Variants in RAB2A observed in about 807,000 individuals in gnomAD.
RAB2A encodes ras-related protein Rab-2A.
Under a neutral mutation model 32.5 loss-of-function variants are expected in RAB2A, and 7 were observed. The observed-to-expected ratio is 0.22, with a 90% CI of 0.12 to 0.40. The LOEUF is 0.40. Among genes scored for constraint, RAB2A ranks in the 10% least tolerant of loss-of-function variants. RAB2A has a pLI of 1.00. For synonymous variants in RAB2A, 79 were observed against 85.2 expected (o/e 0.93, Z 0.40); for missense variants, 108 against 260.7 (o/e 0.41, Z 4.03).
chr8:60,557,211 T>C (rs1315082834), intron 1 of RAB2A, among the ~76,000 whole-genome samples: 1 of 152,176 alleles, frequency 6.6e-6, no homozygotes, highest in African/African-American at 2.4e-5. Flanking sequence ...CTGTCATTTC[T>C]TCAGAAAGAT....
At chr8:60,569,840 A>C in intron 2 of RAB2A, 1 of 382,902 alleles carries the variant, frequency 2.6e-6, no homozygotes, top group Non-Finnish European at 5.2e-6. Context: ...GAATAAAGAG[A>C]CGAACATACT....
At chr8:60,521,024 C>T (rs541885873) in intron 1 of RAB2A, among the ~76,000 whole-genome samples, 1 of 152,320 alleles carries the variant, frequency 6.6e-6, no homozygotes, top group South Asian at 2.1e-4. Flanking sequence ...CTGTGTTGCT[C>T]AGGCTGGTCT....
intron 3 of RAB2A, among the ~76,000 whole-genome samples, chr8:60,573,686 G>C (rs900719068): frequency 6.6e-6 from 1 of 152,092 alleles, no homozygotes; most frequent in African/African-American, 2.4e-5. Context: ...ATGGAAAAGA[G>C]GAAAATAAAA....
chr8:60,551,316 T>TA (rs1807843873), intron 1 of RAB2A, among the ~76,000 whole-genome samples: 1 of 152,248 alleles, frequency 6.6e-6, no homozygotes, highest in African/African-American at 2.4e-5. Context: ...GCACTGGAGA[T>TA]ACATGTGGCT....
chr8:60,541,505 A>G (rs956607531), intron 1 of RAB2A, among the ~76,000 whole-genome samples: 1 of 152,184 alleles, frequency 6.6e-6, no homozygotes, highest in Non-Finnish European at 1.5e-5. Flanking sequence ...CCTGGCCAAC[A>G]TGATGAAACC....
intron 3 of RAB2A, among the ~76,000 whole-genome samples, chr8:60,574,685 A>G (rs1312854970): frequency 1.3e-5 from 2 of 152,216 alleles, no homozygotes; most frequent in African/African-American, 2.4e-5. Flanking sequence ...CTCGTCATAC[A>G]TCATTTTGAT....
At chr8:60,559,809 C>G in intron 2 of RAB2A, among the ~76,000 whole-genome samples, 1 of 152,194 alleles carries the variant, frequency 6.6e-6, no homozygotes, top group East Asian at 1.9e-4. Context: ...TGCTCATTTT[C>G]TGCTGACATT....
At position 60,565,676 on chromosome 8, in the gene RAB2A, A is replaced by ATTTTTTTTTTT. The variant is rs71252885; in HGVS notation, c.119-6328_119-6318dup. ...AGCTCTGAAAAAGTCTCTGTAGCTG[A>ATTTTTTTTTTT]TTTTTTTTTTTTTTTTTTTTTTTTT... On this transcript the variant is annotated intron_variant, in intron 2 of 7. Coordinates refer to ENST00000262646, the MANE Select transcript of RAB2A (RefSeq NM_002865.3). Among the ~76,000 whole-genome samples, 3 of 97,672 alleles carry ATTTTTTTTTTT rather than the reference A, an allele frequency of 3.1e-5. 1 individual carries two copies. Among genetic ancestry groups the ATTTTTTTTTTT allele is most frequent in the Non-Finnish European group, 6.3e-5 (3 of 47,758 alleles). The allele number at this position is 97,672 out of a possible 152,430, so 64.1% of individuals were successfully genotyped here. A position where few individuals can be genotyped will look rare whatever the true frequency, so the allele number is the denominator to read the frequency against.
At chr8:60,613,858 A>G (rs2150438039) in intron 6 of RAB2A, among the ~76,000 whole-genome samples, 1 of 152,288 alleles carries the variant, frequency 6.6e-6, no homozygotes, top group South Asian at 2.1e-4. Context: ...TGTTCATAGC[A>G]TTGACTTTTA....
chr8:60,560,720 A>G (rs980479797), intron 2 of RAB2A, among the ~76,000 whole-genome samples: 2 of 149,830 alleles, frequency 1.3e-5, no homozygotes, highest in South Asian at 2.1e-4. Flanking sequence ...TTGAAACACT[A>G]TGAGATTTTT....
intron 1 of RAB2A, among the ~76,000 whole-genome samples, chr8:60,555,605 A>G (rs1432558452): frequency 2.0e-5 from 3 of 152,254 alleles, no homozygotes; most frequent in African/African-American, 7.2e-5. Flanking sequence ...ATATGAAAAA[A>G]TGCTCAGCAT....
rs558500074 is a variant in RAB2A at position 60,623,046 on chromosome 8, A to G, written c.*2277A>G. Reference sequence around the variant, plus strand: ...CAGTTTTTATAGCATCTATGGACATAGAAAATCAGTCACTGAAAAAAATAA... The same window carrying G: ...CAGTTTTTATAGCATCTATGGACATGGAAAATCAGTCACTGAAAAAAATAA... On this transcript the variant is annotated 3_prime_UTR_variant, in exon 8 of 8. Coordinates refer to ENST00000262646, the MANE Select transcript of RAB2A (RefSeq NM_002865.3). The G allele has an allele frequency of 6.6e-6, 1 of 152,338 alleles. No homozygotes were observed. Among genetic ancestry groups the G allele is most frequent in the African/African-American group, 2.4e-5 (1 of 41,578 alleles). 9.4% of individuals were successfully genotyped at this position (152,338 alleles called of 1,614,324 possible).
chr8:60,568,750 G>A (rs1181151962), intron 2 of RAB2A, among the ~76,000 whole-genome samples: 2 of 152,102 alleles, frequency 1.3e-5, no homozygotes, highest in African/African-American at 4.8e-5. Context: ...ATCACTCCCC[G>A]ACAATGTCAG....
intron 1 of RAB2A, among the ~76,000 whole-genome samples, chr8:60,519,677 T>A (rs2130802791): frequency 1.3e-5 from 2 of 152,370 alleles, no homozygotes; most frequent in South Asian, 2.1e-4. Context: ...ACCTATTATA[T>A]ACTTCTTGAA....
At chr8:60,584,326 TAC>T (rs1563477933) in intron 4 of RAB2A, 36 bp downstream of exon 4, 3 of 1,498,696 alleles carry the variant, frequency 2.0e-6, no homozygotes, top group South Asian at 1.1e-5. Flanking sequence ...CAGTAGTTGA[TAC>T]AGAGAATTTT....
intron 1 of RAB2A, among the ~76,000 whole-genome samples, chr8:60,523,784 G>A (rs999798424): frequency 3.3e-5 from 5 of 149,782 alleles, no homozygotes; most frequent in Non-Finnish European, 4.4e-5. Context: ...TCCGTCTCCC[G>A]GGTTCACACC....
chr8:60,596,056 A>G (rs1294339852), intron 6 of RAB2A, among the ~76,000 whole-genome samples: 1 of 152,212 alleles, frequency 6.6e-6, no homozygotes, highest in Admixed American at 6.5e-5. Context: ...GAAAATAGCT[A>G]AAACAGTGTT....
At chr8:60,532,366 A>G (rs1807489699) in intron 1 of RAB2A, among the ~76,000 whole-genome samples, 4 of 152,234 alleles carry the variant, frequency 2.6e-5, no homozygotes, top group Non-Finnish European at 5.9e-5. Flanking sequence ...AAAAATTAAT[A>G]AATAGCTAAA....
chr8:60,558,409 C>G (rs1196964298), intron 1 of RAB2A: 1 of 506,158 alleles, frequency 2.0e-6, no homozygotes, highest in Admixed American at 2.0e-5. Flanking sequence ...GAGCAAGGAG[C>G]TTTTCCCAGA....
Sources: allele counts gnomAD v4.1 joint callset (sites outside exome capture counted in the v4.1 genomes callset), GRCh38; gene constraint gnomAD v4.1.1; transcripts MANE v1.5; gene names NCBI Gene and HGNC (gene_info 2026-07-23, HGNC 2026-07-21).